PHACTR1: variants seen among roughly 807,000 people sequenced by gnomAD.
PHACTR1 encodes the protein phosphatase and actin regulator 1.
A neutral mutation model predicts 69.2 loss-of-function variants in PHACTR1; 16 were observed. That is an observed-to-expected ratio of 0.23 (90% CI 0.16 to 0.35). The LOEUF is 0.35. Ranked by LOEUF, PHACTR1 falls within the 10% of genes least tolerant of loss-of-function variation. PHACTR1 has a pLI of 1.00. For synonymous variants in PHACTR1, 312 were observed against 284.5 expected, an observed-to-expected ratio of 1.10 and a Z score of -0.97; for missense variants, 510 against 734.7, an observed-to-expected ratio of 0.69 and a Z score of 3.54.
At chr6:13,087,561 T>C (rs1442280964) in intron 5 of PHACTR1, among the ~76,000 whole-genome samples, 16 of 151,934 alleles carry the variant, frequency 1.1e-4, no homozygotes, top group Non-Finnish European at 2.4e-4. Flanking sequence ...CATATAATTA[T>C]CTCAAAAGAA....
intron 4 of PHACTR1, among the ~76,000 whole-genome samples, chr6:12,908,176 G>A (rs7760527): frequency 0.52 from 78,763 of 152,000 alleles, 23,486 homozygotes; most frequent in East Asian, 0.91. Context: ...TCGCACCTGG[G>A]CCTGGTAGAA....
chr6:12,811,692 T>G lies in PHACTR1; in HGVS notation c.250+61902T>G, dbSNP rs186038115. Among the ~76,000 whole-genome samples, 38 of 152,340 alleles carry G rather than the reference T, an allele frequency of 2.5e-4. No individual in the cohort carries two copies. In the East Asian group the frequency reaches 6.7e-3, roughly 27 times the overall value. ...CACTGTGTTGTTTTTTGCCTTTTTA[T>G]TCTACCCCACACGGATCACCCTTTC... On this transcript the variant is annotated intron_variant, in intron 4 of 14. Coordinates refer to ENST00000332995, the MANE Select transcript of PHACTR1 (RefSeq NM_030948.6).
chr6:12,976,008 G>A (rs1342585618), intron 4 of PHACTR1, among the ~76,000 whole-genome samples: 2 of 152,194 alleles, frequency 1.3e-5, no homozygotes, highest in African/African-American at 4.8e-5. Context: ...CGGGAGGAAT[G>A]GGAAAATTTA....
At chr6:13,209,698 TG>T (rs1379414758) in intron 8 of PHACTR1, among the ~76,000 whole-genome samples, 1 of 152,232 alleles carries the variant, frequency 6.6e-6, no homozygotes, top group Non-Finnish European at 1.5e-5. Context: ...GCAGTGTTCC[TG>T]ACCATTTATC....
chr6:12,933,566 CT>C, intron 4 of PHACTR1: 1 of 1,586,576 alleles, frequency 6.3e-7, no homozygotes, highest in South Asian at 1.2e-5. Flanking sequence ...GGTGATTCTT[CT>C]TGTTATCTCT....
intron 4 of PHACTR1, among the ~76,000 whole-genome samples, chr6:13,031,602 G>A (rs982743706): frequency 7.1e-6 from 1 of 140,150 alleles, no homozygotes; most frequent in African/African-American, 2.6e-5. Context: ...TGGCTGGGAA[G>A]GGATGACTTT....
intron 10 of PHACTR1, among the ~76,000 whole-genome samples, chr6:13,231,843 A>G (rs925829262): frequency 6.6e-6 from 1 of 152,248 alleles, no homozygotes; most frequent in Non-Finnish European, 1.5e-5. Flanking sequence ...GAGCCTGTCT[A>G]TAAGATACAC....
chr6:12,992,022 G>A (rs773830020), intron 4 of PHACTR1, among the ~76,000 whole-genome samples: 4 of 150,154 alleles, frequency 2.7e-5, no homozygotes, highest in South Asian at 2.1e-4. Context: ...CAAATCCACC[G>A]ACAACACACA....
intron 4 of PHACTR1, 107 bp downstream of exon 4, chr6:12,749,897 C>T: frequency 5.4e-6 from 6 of 1,121,086 alleles, no homozygotes; most frequent in Non-Finnish European, 7.3e-6. Flanking sequence ...CCCCCGCAGT[C>T]GGGCGCTCAG....
intron 8 of PHACTR1, among the ~76,000 whole-genome samples, chr6:13,210,915 T>C (rs1006479880): frequency 2.7e-5 from 3 of 111,814 alleles, no homozygotes; most frequent in Admixed American, 2.3e-4. Context: ...TCATTTCTTT[T>C]TTTTTTTTTT....
chr6:13,260,200 T>C (rs1223358235), intron 10 of PHACTR1, among the ~76,000 whole-genome samples: 1 of 152,182 alleles, frequency 6.6e-6, no homozygotes, highest in Non-Finnish European at 1.5e-5. Flanking sequence ...ACTGAGAAGA[T>C]CTTCATGTAC....
At chr6:13,133,466 G>T (rs1021680687) in intron 5 of PHACTR1, among the ~76,000 whole-genome samples, 14 of 151,896 alleles carry the variant, frequency 9.2e-5, no homozygotes, top group Admixed American at 2.6e-4. Flanking sequence ...ACTGGTTTTC[G>T]TATTTTTTTT....
intron 10 of PHACTR1, among the ~76,000 whole-genome samples, chr6:13,240,102 T>C (rs548904072): frequency 1.3e-5 from 2 of 152,272 alleles, no homozygotes. Context: ...TACTTTGTTT[T>C]ATATTTCATA....
intron 4 of PHACTR1, among the ~76,000 whole-genome samples, chr6:12,915,059 G>A (rs1420969173): frequency 3.9e-5 from 6 of 152,162 alleles, no homozygotes; most frequent in African/African-American, 9.7e-5. Context: ...GCATAAAGAC[G>A]GCTTCAGCAA....
chr6:12,988,566 A>G (rs1796457148), intron 4 of PHACTR1, among the ~76,000 whole-genome samples: 1 of 152,240 alleles, frequency 6.6e-6, no homozygotes. Flanking sequence ...TAATGTTCGC[A>G]AAGTACCTAA....
At chr6:13,011,174 T>G (rs572420064) in intron 4 of PHACTR1, among the ~76,000 whole-genome samples, 1 of 152,238 alleles carries the variant, frequency 6.6e-6, no homozygotes, top group Non-Finnish European at 1.5e-5. Flanking sequence ...CATACAACTT[T>G]CAATGGTGAT....
intron 7 of PHACTR1, among the ~76,000 whole-genome samples, chr6:13,182,950 A>G (rs931547627): frequency 1.3e-5 from 2 of 152,206 alleles, no homozygotes; most frequent in African/African-American, 4.8e-5. Flanking sequence ...TTTTTGTAAC[A>G]TTAATGATTT....
At chr6:13,238,283 G>A (rs1415640082) in intron 10 of PHACTR1, among the ~76,000 whole-genome samples, 1 of 152,194 alleles carries the variant, frequency 6.6e-6, no homozygotes, top group Non-Finnish European at 1.5e-5. Flanking sequence ...TAGATCAGAT[G>A]TAGTTTTCTC....
At chr6:12,798,644 T>C (rs1185494875) in intron 4 of PHACTR1, among the ~76,000 whole-genome samples, 3 of 152,208 alleles carry the variant, frequency 2.0e-5, no homozygotes, top group African/African-American at 7.2e-5. Context: ...TCCTGCTTTC[T>C]AAGTGGGGGT....
Sources: gnomAD v4.1 joint callset for allele counts (sites outside exome capture counted in the v4.1 genomes callset) on GRCh38, gnomAD v4.1.1 for gene constraint, MANE v1.5 for transcripts, NCBI Gene and HGNC (gene_info 2026-07-23, HGNC 2026-07-21) for gene names.